The following KAT6B variants were observed in gnomAD, a reference collection of about 807,000 sequenced individuals.
KAT6B encodes the protein lysine acetyltransferase 6B.
KAT6B carries 10 observed loss-of-function variants against 187.5 expected under a neutral mutation model. That is an observed-to-expected ratio of 0.05 (90% CI 0.03 to 0.09). The LOEUF (loss-of-function observed/expected upper bound fraction) is 0.09, where lower values mean the gene tolerates loss of function less well. Among genes scored for constraint, KAT6B ranks in the 10% least tolerant of loss-of-function variants. The probability of loss-of-function intolerance (pLI) is 1.00; values close to 1 mark genes in which losing one functional copy is unlikely to be tolerated. For missense variants in KAT6B, 1,952 were observed against 2,558.9 expected (o/e 0.76, Z 5.12); for synonymous variants, 861 against 926.8 (o/e 0.93, Z 1.29).
intron 10 of KAT6B, among the ~76,000 whole-genome samples, chr10:74,980,988 G>A (rs1842472923): frequency 6.6e-6 from 1 of 152,218 alleles, no homozygotes; most frequent in Non-Finnish European, 1.5e-5. Flanking sequence ...TATGTATGCA[G>A]ATTGTTTAAA....
At chr10:74,852,885 TTG>T (rs1384816579) in intron 3 of KAT6B, among the ~76,000 whole-genome samples, 2 of 152,208 alleles carry the variant, frequency 1.3e-5, no homozygotes, top group Non-Finnish European at 2.9e-5. Context: ...CCAGCTACAT[TTG>T]TGATACTTTC....
At chr10:74,853,321 C>T (rs1469371260) in intron 3 of KAT6B, among the ~76,000 whole-genome samples, 6 of 151,588 alleles carry the variant, frequency 4.0e-5, no homozygotes, top group Non-Finnish European at 8.8e-5. Flanking sequence ...GACAGTCTTA[C>T]TCTGTTGCCC....
At chr10:74,843,819 G>A (rs1376999544) in intron 3 of KAT6B, among the ~76,000 whole-genome samples, 1 of 152,126 alleles carries the variant, frequency 6.6e-6, no homozygotes, top group Admixed American at 6.6e-5. Context: ...AAAGGCCATC[G>A]TATATTTTTC....
At chr10:74,979,175 G>A in intron 9 of KAT6B, 49 bp from the exon 10 acceptor site, 5 of 1,333,176 alleles carry the variant, frequency 3.8e-6, no homozygotes, top group Non-Finnish European at 5.3e-6. Context: ...GAACCAAAAT[G>A]TAAGTGAAGT....
chr10:74,881,153 G>A (rs146286106), intron 3 of KAT6B, among the ~76,000 whole-genome samples: 171 of 151,280 alleles, frequency 1.1e-3, no homozygotes, highest in African/African-American at 3.5e-3. Flanking sequence ...CAGGGGATCC[G>A]CCTGCCTCGG....
At chr10:74,892,499 C>T (rs997682825) in intron 3 of KAT6B, among the ~76,000 whole-genome samples, 1 of 152,174 alleles carries the variant, frequency 6.6e-6, no homozygotes, top group African/African-American at 2.4e-5. Flanking sequence ...GTACATTTCG[C>T]ACTGATACCT....
At chr10:74,982,482 C>G (rs1842571981) in intron 11 of KAT6B, 1 of 155,496 alleles carries the variant, frequency 6.4e-6, no homozygotes, top group African/African-American at 2.4e-5. Context: ...GGCCATATGT[C>G]TGTCATTGTG....
intron 3 of KAT6B, among the ~76,000 whole-genome samples, chr10:74,857,390 A>C (rs2132248363): frequency 6.6e-6 from 1 of 152,324 alleles, no homozygotes; most frequent in Admixed American, 6.5e-5. Flanking sequence ...CAAAGCCAGC[A>C]ATGTTGCATC....
chr10:74,889,269 A>G (rs907686715), intron 3 of KAT6B, among the ~76,000 whole-genome samples: 1 of 152,188 alleles, frequency 6.6e-6, no homozygotes. Context: ...TATTTTTTAG[A>G]CAAGATATAA....
intron 3 of KAT6B, among the ~76,000 whole-genome samples, chr10:74,891,436 CT>C (rs1156789432): frequency 1.3e-5 from 2 of 152,210 alleles, no homozygotes; most frequent in East Asian, 3.8e-4. Flanking sequence ...CTTGTTTTTC[CT>C]TAAATGGTAC....
intron 17 of KAT6B, 112 bp from the exon 18 acceptor site, chr10:75,028,377 C>A: frequency 4.0e-6 from 6 of 1,510,898 alleles, no homozygotes; most frequent in Non-Finnish European, 5.5e-6. Flanking sequence ...TTTTAACATG[C>A]CAAATTGAAA....
intron 3 of KAT6B, among the ~76,000 whole-genome samples, chr10:74,861,476 A>G (rs925700039): frequency 1.3e-5 from 2 of 152,172 alleles, no homozygotes; most frequent in Non-Finnish European, 2.9e-5. Flanking sequence ...TTTGTGTATA[A>G]CCTGTTTGTA....
chr10:74,973,997 T>A (rs766760677), intron 7 of KAT6B, among the ~76,000 whole-genome samples: 11 of 152,260 alleles, frequency 7.2e-5, no homozygotes, highest in Non-Finnish European at 1.5e-4. Flanking sequence ...TAGGAATTTT[T>A]AAGACAGTCT....
chr10:75,006,740 C>T (rs1344022823), intron 13 of KAT6B, among the ~76,000 whole-genome samples: 1 of 152,106 alleles, frequency 6.6e-6, no homozygotes, highest in Non-Finnish European at 1.5e-5. Flanking sequence ...CTGCACCTGG[C>T]CAGAAACATC....
chr10:75,012,160 A>G (rs1480319919), intron 13 of KAT6B, among the ~76,000 whole-genome samples: 1 of 152,098 alleles, frequency 6.6e-6, no homozygotes, highest in Non-Finnish European at 1.5e-5. Context: ...AGAAGAAGGA[A>G]CAATAGGCCA....
At chr10:74,878,795 T>C (rs1027223214) in intron 3 of KAT6B, among the ~76,000 whole-genome samples, 1 of 151,980 alleles carries the variant, frequency 6.6e-6, no homozygotes, top group African/African-American at 2.4e-5. Flanking sequence ...CATGTTTGGG[T>C]TATGGTGAGT....
intron 1 of KAT6B, among the ~76,000 whole-genome samples, chr10:74,830,038 AAAG>A (rs1195361875): frequency 6.6e-6 from 1 of 151,898 alleles, no homozygotes; most frequent in Admixed American, 6.6e-5. Flanking sequence ...AACAAAAAAA[AAAG>A]AAAAATATTT....
chr10:75,028,524 G>A lies in KAT6B; in HGVS notation c.3700G>A (p.Gly1234Ser). The A allele has an allele frequency of 3.1e-6, 5 of 1,614,124 alleles. No individual in the cohort carries two copies. Among genetic ancestry groups the A allele is most frequent in the Admixed American group, 3.3e-5 (2 of 60,022 alleles). ...MNDDSSNLKE[G>S]SKDNPEPLKC... ...TGATGATTCAAGTAACTTGAAAGAA[G>A]GCAGTAAAGACAATCCCGAACCTCT... is the stretch of plus-strand genomic sequence containing the variant. Residue 1234 changes from glycine (G) to serine (S), a missense_variant, in exon 18 of 18, where the codon GGC (glycine) becomes AGC (serine). Physicochemically the swap from Gly to Ser is moderately conservative, Grantham distance 56. Around this residue, in one of 9 missense-constraint regions of KAT6B, gnomAD observed 758 missense variants for 891.4 expected, o/e 0.85. Coordinates refer to ENST00000287239, the MANE Select transcript of KAT6B (RefSeq NM_012330.4).
intron 3 of KAT6B, among the ~76,000 whole-genome samples, chr10:74,854,034 A>G (rs1257913770): frequency 6.6e-6 from 1 of 152,222 alleles, no homozygotes; most frequent in African/African-American, 2.4e-5. Context: ...AAACTACAGT[A>G]GATTAGGTGA....
Sources: allele counts gnomAD v4.1 joint callset (sites outside exome capture counted in the v4.1 genomes callset), GRCh38; gene constraint gnomAD v4.1.1; regional missense constraint gnomAD v4.1.1; transcripts MANE v1.5; gene names NCBI Gene and HGNC (gene_info 2026-07-23, HGNC 2026-07-21).